The following EXOC6B variants were observed in gnomAD, a reference collection of about 807,000 sequenced individuals.
The protein encoded by EXOC6B is SEC15 homolog B.
Under a neutral mutation model 113.5 loss-of-function variants are expected in EXOC6B, and 54 were observed. The observed-to-expected ratio is 0.48, with a 90% CI of 0.38 to 0.60. The LOEUF is 0.60. Ranked by LOEUF, EXOC6B falls within the 20% of genes least tolerant of loss-of-function variation. EXOC6B has a pLI of 0.00. For missense variants in EXOC6B, 797 were observed against 977.5 expected, an observed-to-expected ratio of 0.82 and a Z score of 2.46; for synonymous variants, 357 against 339.0, an observed-to-expected ratio of 1.05 and a Z score of -0.58.
intron 6 of EXOC6B, among the ~76,000 whole-genome samples, chr2:72,685,191 G>A (rs1401428102): frequency 6.6e-6 from 1 of 151,994 alleles, no homozygotes; most frequent in Non-Finnish European, 1.5e-5. Context: ...AAATATGGTT[G>A]TTGACTACAC....
chr2:72,471,279 C>G (rs1426978943), intron 17 of EXOC6B, among the ~76,000 whole-genome samples: 1 of 152,132 alleles, frequency 6.6e-6, no homozygotes, highest in Non-Finnish European at 1.5e-5. Flanking sequence ...TGAGAAGTGT[C>G]TGTTCATGTC....
At chr2:72,231,336 T>G (rs1199569632) in intron 20 of EXOC6B, among the ~76,000 whole-genome samples, 2 of 152,146 alleles carry the variant, frequency 1.3e-5, no homozygotes, top group Non-Finnish European at 2.9e-5. Context: ...CCAAAATAAA[T>G]TATAGATGCA....
intron 7 of EXOC6B, among the ~76,000 whole-genome samples, chr2:72,560,386 C>G (rs776828725): frequency 7.2e-5 from 11 of 151,856 alleles, no homozygotes; most frequent in Non-Finnish European, 1.5e-4. Flanking sequence ...AAGAAACATT[C>G]AAAATAAAGA....
Position 72,179,132 on chromosome 2 carries a change from G to T in EXOC6B, c.*203C>A. Reference sequence around the variant, plus strand: ...TAGTAATAACTTCCCCTGAGTCCCAGCCTAGCAACATCTCATGTACTTGCT... The same window carrying T: ...TAGTAATAACTTCCCCTGAGTCCCATCCTAGCAACATCTCATGTACTTGCT... On this transcript the variant is annotated 3_prime_UTR_variant, in exon 22 of 22. Transcript: ENST00000272427. 1.8e-6 allele frequency: 1 copy of T among 565,602 alleles called. No individual in the cohort carries two copies. Among genetic ancestry groups the T allele is most frequent in the Non-Finnish European group, 3.0e-6 (1 of 335,766 alleles). 35.0% of individuals were successfully genotyped at this position (565,602 alleles called of 1,614,324 possible).
At chr2:72,367,643 G>T (rs965965675) in intron 19 of EXOC6B, among the ~76,000 whole-genome samples, 1 of 152,176 alleles carries the variant, frequency 6.6e-6, no homozygotes, top group African/African-American at 2.4e-5. Context: ...TTGAAGATGG[G>T]CAGAAAGACA....
At chr2:72,435,501 G>T (rs1695797846) in intron 18 of EXOC6B, among the ~76,000 whole-genome samples, 1 of 152,134 alleles carries the variant, frequency 6.6e-6, no homozygotes, top group Non-Finnish European at 1.5e-5. Context: ...TAGTTACAGT[G>T]GGGTGTTAAA....
chr2:72,532,379 A>G lies in EXOC6B; in HGVS notation c.916-17253T>C, dbSNP rs1393041866. On this transcript the variant is annotated intron_variant, in intron 8 of 21. Transcript: ENST00000272427. ...TGTTGAGAGTATGGTAAAACCATACACCAAAATTCTTTTTCTAAGGAATGC... is the reference window on the plus strand; with the variant it reads ...TGTTGAGAGTATGGTAAAACCATACGCCAAAATTCTTTTTCTAAGGAATGC... 2.6e-5 allele frequency among the ~76,000 whole-genome samples: 4 copies of G among 152,324 alleles called. No homozygotes were observed. In the South Asian group the frequency reaches 6.2e-4, roughly 24 times the overall value.
intron 6 of EXOC6B, among the ~76,000 whole-genome samples, chr2:72,614,970 T>G (rs1280826592): frequency 3.3e-5 from 5 of 152,008 alleles, no homozygotes; most frequent in African/African-American, 1.2e-4. Context: ...GACTACACCA[T>G]AGAAGTAAGA....
rs77162667 is a variant in EXOC6B at position 72,581,894 on chromosome 2, G to C, written c.670-6226C>G. Among the ~76,000 whole-genome samples the C allele has an allele frequency of 3.6e-4, 55 of 152,260 alleles. 4 individuals are homozygous for C. The East Asian group carries it at 0.011, about 29-fold the overall frequency. ...CCCCTAACCCCCAGGGCAAAGCTGG[G>C]AGCTGAGACCAGGGTGCACTCCACA... On this transcript the variant is annotated intron_variant, in intron 6 of 21. Transcript: ENST00000272427.
chr2:72,551,488 A>T (rs1020893499), intron 8 of EXOC6B, among the ~76,000 whole-genome samples: 80 of 138,564 alleles, frequency 5.8e-4, no homozygotes, highest in African/African-American at 2.0e-3. Flanking sequence ...GAGCCACCGC[A>T]CCTGGCAAAC....
chr2:72,404,150 G>A (rs1390828029), intron 18 of EXOC6B, among the ~76,000 whole-genome samples: 1 of 152,174 alleles, frequency 6.6e-6, no homozygotes, highest in Non-Finnish European at 1.5e-5. Context: ...AAGGCAGCGG[G>A]GAGGCTGGGG....
chr2:72,219,969 A>C (rs982090880), intron 20 of EXOC6B, among the ~76,000 whole-genome samples: 1 of 152,172 alleles, frequency 6.6e-6, no homozygotes. Flanking sequence ...GACTCACGGT[A>C]CAGCCTCCGG....
chr2:72,646,619 A>T (rs1449013429), intron 6 of EXOC6B, among the ~76,000 whole-genome samples: 1 of 152,166 alleles, frequency 6.6e-6, no homozygotes, highest in East Asian at 1.9e-4. Context: ...AGTCGGCTTC[A>T]TCCCTGGGAT....
chr2:72,570,240 A>C (rs891741159), intron 7 of EXOC6B, among the ~76,000 whole-genome samples: 2 of 152,202 alleles, frequency 1.3e-5, no homozygotes, highest in Non-Finnish European at 2.9e-5. Context: ...TCTGCAAGCC[A>C]AGGAGAGAGG....
chr2:72,733,498 G>A (rs1424345475), intron 2 of EXOC6B, among the ~76,000 whole-genome samples: 1 of 152,080 alleles, frequency 6.6e-6, no homozygotes, highest in African/African-American at 2.4e-5. Flanking sequence ...TAGAAAAGTT[G>A]GGTATACACT....
intron 19 of EXOC6B, among the ~76,000 whole-genome samples, chr2:72,351,696 C>G (rs1689663955): frequency 1.3e-5 from 2 of 152,088 alleles, no homozygotes; most frequent in Admixed American, 1.3e-4. Context: ...ATCTGGCAAC[C>G]CTACTTCTAA....
chr2:72,634,870 T>C (rs1558865537), intron 6 of EXOC6B, among the ~76,000 whole-genome samples: 1 of 151,368 alleles, frequency 6.6e-6, no homozygotes. Flanking sequence ...ACAAAACACA[T>C]CTCAACAAAT....
intron 20 of EXOC6B, among the ~76,000 whole-genome samples, chr2:72,282,468 T>C (rs1217655058): frequency 6.6e-6 from 1 of 151,162 alleles, no homozygotes; most frequent in East Asian, 1.9e-4. Flanking sequence ...TAAAATATAA[T>C]TACTGTTTTA....
chr2:72,808,427 A>G (rs866433577), intron 1 of EXOC6B, among the ~76,000 whole-genome samples: 19 of 152,116 alleles, frequency 1.2e-4, no homozygotes, highest in African/African-American at 3.9e-4. Context: ...ATCTAGAGAA[A>G]TCACACACAC....
Sources: allele counts gnomAD v4.1 joint callset (sites outside exome capture counted in the v4.1 genomes callset), GRCh38; gene constraint gnomAD v4.1.1; transcripts MANE v1.5; gene names NCBI Gene and HGNC (gene_info 2026-07-23, HGNC 2026-07-21).